CHRNA4: variants seen among roughly 807,000 people sequenced by gnomAD.
CHRNA4 encodes the protein neuronal acetylcholine receptor subunit alpha-4.
CHRNA4 carries 28 observed loss-of-function variants against 48.9 expected under a neutral mutation model. That is an observed-to-expected ratio of 0.57 (90% CI 0.42 to 0.79). CHRNA4 has a LOEUF of 0.79. Ranked by LOEUF, CHRNA4 falls within the 30% of genes least tolerant of loss-of-function variation. The pLI, the probability that CHRNA4 is intolerant of heterozygous loss-of-function variation, is 0.00. For missense variants in CHRNA4, 859 were observed against 898.4 expected, an observed-to-expected ratio of 0.96 and a Z score of 0.56; for synonymous variants, 425 against 402.3, an observed-to-expected ratio of 1.06 and a Z score of -0.68.
At position 63,345,134 on chromosome 20, in the gene CHRNA4, G is replaced by C; in HGVS notation, c.*1604C>G. 1 of 454,006 alleles carries C rather than the reference G, an allele frequency of 2.2e-6. No homozygotes were observed. Among genetic ancestry groups the C allele is most frequent in the Non-Finnish European group, 4.4e-6 (1 of 226,730 alleles). The allele number at this position is 454,006 out of a possible 1,614,324, so 28.1% of individuals were successfully genotyped here. On this transcript the variant is annotated 3_prime_UTR_variant, in exon 6 of 6. Coordinates refer to ENST00000370263, the MANE Select transcript of CHRNA4 (RefSeq NM_000744.7). This position sits in a 1 kb window ranked among gnomAD's most constrained non-coding sequence, Gnocchi z 5.4. Reference sequence around the variant, plus strand: ...ATTTCTGGGGCACTCGGCATGCCGGGTTCCTAACCTCAATTATTCATTCTG... The same window carrying C: ...ATTTCTGGGGCACTCGGCATGCCGGCTTCCTAACCTCAATTATTCATTCTG...
Position 63,351,168 on chromosome 20 carries a change from TCCACG to T in CHRNA4, c.384-146_384-142del, listed in dbSNP as rs766346398. ...ATCCACGTCCACGCCCACATCCACGTCCACGCCCACATCCATGTCCCACGCCCACA... is the reference window on the plus strand; with the variant it reads ...ATCCACGTCCACGCCCACATCCACGTCCCACATCCATGTCCCACGCCCACA... On this transcript the variant is annotated intron_variant, in intron 4 of 5. Transcript: ENST00000370263. 5.2e-4 allele frequency: 328 copies of T among 635,092 alleles called. 20 individuals carry two copies. Among genetic ancestry groups the T allele is most frequent in the South Asian group, 2.9e-3 (164 of 56,196 alleles). The allele number at this position is 635,092 out of a possible 1,614,324, so 39.3% of individuals were successfully genotyped here. A position where few individuals can be genotyped will look rare whatever the true frequency, so the allele number is the denominator to read the frequency against.
Position 63,351,677 on chromosome 20 carries a change from G to A in CHRNA4, c.384-650C>T, listed in dbSNP as rs914417559. On this transcript the variant is annotated intron_variant, in intron 4 of 5. Transcript: ENST00000370263. ...CAAGGACAGGTGTTCTGGCCACCCA[G>A]GGCCAATGCAGTGGGGCTGCATACG... Among the ~76,000 whole-genome samples, 3 of 152,248 alleles carry A rather than the reference G, an allele frequency of 2.0e-5. No homozygotes were observed. In the East Asian group the frequency reaches 5.8e-4, roughly 29 times the overall value.
chr20:63,357,814 T>C lies in CHRNA4; in HGVS notation c.229-1399A>G, dbSNP rs1251549879. The stretch of plus-strand genomic sequence containing the variant: ...AGGAGCGTCAGCACCCACGTGTGCA[T>C]GTTCGTGTAAGTCCTTAGTCGGCTG... On this transcript the variant is annotated intron_variant, in intron 2 of 5. Coordinates refer to ENST00000370263, the MANE Select transcript of CHRNA4 (RefSeq NM_000744.7). Among the ~76,000 whole-genome samples the C allele has an allele frequency of 3.3e-5, 5 of 152,264 alleles. No individual in the cohort carries two copies. In the South Asian group the frequency reaches 1.0e-3, roughly 32 times the overall value.
Position 63,350,276 on chromosome 20 carries a change from C to A in CHRNA4, c.1135G>T (p.Ala379Ser). 1 of 1,612,152 alleles carries A rather than the reference C, an allele frequency of 6.2e-7. No individual in the cohort carries two copies. The highest frequency in any genetic ancestry group is 1.1e-5 in the South Asian group (1 of 91,010). Residue 379 changes from alanine (A) to serine (S), a missense_variant, in exon 5 of 6, where the codon GCC becomes TCC. This residue lies in a region of CHRNA4 where 478 missense variants were observed against 455.4 expected (regional missense o/e 1.05). Transcript: ENST00000370263. The stretch of plus-strand genomic sequence containing the variant: ...TCGGGCCAGAAGCGCGGGGCACTGG[C>A]CATCTTATGCATGGACTCGATGAGC... ...RRLIESMHKM[A>S]SAPRFWPEPE...
Position 63,359,539 on chromosome 20 carries a change from C to G in CHRNA4, c.228+9G>C. 6.2e-7 allele frequency: 1 copy of G among 1,612,598 alleles called. No individual in the cohort carries two copies. Among genetic ancestry groups the G allele is most frequent in the Non-Finnish European group, 8.5e-7 (1 of 1,179,872 alleles). ...AGTCACAGTGCACGATGGCCACGCC[C>G]TCACCTACCACGTCAATGAGCTGAG... is the stretch of plus-strand genomic sequence containing the variant. On this transcript the variant is annotated intron_variant, in intron 2 of 5. Transcript: ENST00000370263.
chr20:63,359,905 GTGTGTGT>G (rs2068785655), intron 1 of CHRNA4: 3 of 341,380 alleles, frequency 8.8e-6, no homozygotes, highest in Non-Finnish European at 1.6e-5. Context: ...TGCTGTGTGT[GTGTGTGT>G]GTGTGTGTGT....
At chr20:63,358,813 G>C (rs1054694032) in intron 2 of CHRNA4, among the ~76,000 whole-genome samples, 9 of 152,130 alleles carry the variant, frequency 5.9e-5, no homozygotes, top group Non-Finnish European at 1.3e-4. Context: ...CCCCTTACCC[G>C]GCCCCTCCAG....
rs56069517 is a variant in CHRNA4, at chr20:63,349,887, G to A, written c.1524C>T (p.Gly508=). ...AGTGGGTGTTGCGAGAGGCCAGGGCGCCGGCAGCCTGGCCATCTGCCTCGG... is the reference window on the plus strand; with the variant it reads ...AGTGGGTGTTGCGAGAGGCCAGGGCACCGGCAGCCTGGCCATCTGCCTCGG... ...AAPEADGQAA[G]ALASRNTHSA... is the part of the protein sequence containing the mutation. Residue 508 remains glycine (G), a synonymous_variant, in exon 5 of 6, where the codon GGC becomes GGT. Coordinates refer to ENST00000370263, the MANE Select transcript of CHRNA4 (RefSeq NM_000744.7). 2,641 of 1,593,084 alleles carry A rather than the reference G, an allele frequency of 1.7e-3. 38 individuals are homozygous for A. The South Asian group carries it at 0.018, about 11-fold the overall frequency.
At chr20:63,355,146 C>A (rs1045784929) in intron 4 of CHRNA4, among the ~76,000 whole-genome samples, 3 of 152,164 alleles carry the variant, frequency 2.0e-5, no homozygotes, top group Admixed American at 6.5e-5. Context: ...AGACCCTGAG[C>A]CTGTGGCCAG....
Position 63,361,168 on chromosome 20 carries a change from C to A in CHRNA4, c.-3G>T, listed in dbSNP as rs2068814573. On this transcript the variant is annotated 5_prime_UTR_variant, in exon 1 of 6. Transcript: ENST00000370263. ...GCTCCGGGGCCCCCTAGCTCCATGGCGCACGCACCTCGCGGGCTCTAGATG... is the reference window on the plus strand; with the variant it reads ...GCTCCGGGGCCCCCTAGCTCCATGGAGCACGCACCTCGCGGGCTCTAGATG... 2 of 1,473,190 alleles carry A rather than the reference C, an allele frequency of 1.4e-6. No homozygotes were observed. Among genetic ancestry groups the A allele is most frequent in the Non-Finnish European group, 1.8e-6 (2 of 1,117,700 alleles). 91.3% of individuals were successfully genotyped at this position (1,473,190 alleles called of 1,614,324 possible). A position where few individuals can be genotyped will look rare whatever the true frequency, so the allele number is the denominator to read the frequency against.
At chr20:63,357,031 TC>T (rs1158721321) in intron 2 of CHRNA4, among the ~76,000 whole-genome samples, 1 of 39,218 alleles carries the variant, frequency 2.5e-5, no homozygotes, top group African/African-American at 7.1e-5. Flanking sequence ...CAGAACCACG[TC>T]CCCACAGGAC....
In CHRNA4 at chr20:63,350,455, A is replaced by T. The variant is rs1315507965; in HGVS notation, c.956T>A (p.Leu319Gln). 1.2e-6 allele frequency: 2 copies of T among 1,613,544 alleles called. No homozygotes were observed. Among genetic ancestry groups the T allele is most frequent in the Admixed American group, 3.3e-5 (2 of 59,964 alleles). ...YLLFTMIFVT[L>Q]SIVITVFVLN... is the part of the protein sequence containing the mutation. ...CACGAAGACCGTGATGACGATGGAC[A>T]GGGTGACGAAGATCATGGTGAACAG... The change falls in exon 5 of 6, where the codon CTG (leucine) becomes CAG (glutamine). Residue 319 changes from leucine (L) to glutamine (Q), a missense_variant. Coordinates refer to ENST00000370263, the MANE Select transcript of CHRNA4 (RefSeq NM_000744.7).
intron 2 of CHRNA4, among the ~76,000 whole-genome samples, chr20:63,358,096 C>A (rs45541838): frequency 2.6e-5 from 4 of 152,186 alleles, no homozygotes; most frequent in Non-Finnish European, 5.9e-5. Flanking sequence ...CTGTGCAACC[C>A]GCATTGTCTT....
chr20:63,356,969 T>A (rs1249461397), intron 2 of CHRNA4, among the ~76,000 whole-genome samples: 3 of 94,342 alleles, frequency 3.2e-5, no homozygotes, highest in Admixed American at 1.2e-4. Flanking sequence ...TCCTTCCACA[T>A]CCCCACAGGA....
At chr20:63,356,441 C>A in intron 2 of CHRNA4, 26 bp from the exon 3 acceptor site, 2 of 1,585,778 alleles carry the variant, frequency 1.3e-6, no homozygotes, top group Non-Finnish European at 1.7e-6. Context: ...AGGAAGGGGG[C>A]CAGTGACCCC....
chr20:63,351,131 A>ATCCACGCCCACATCCACG, intron 4 of CHRNA4, 104 bp from the exon 5 acceptor site: 9 of 761,426 alleles, frequency 1.2e-5, no homozygotes, highest in South Asian at 4.8e-5. Context: ...CCACACCCAC[A>ATCCACGCCCACATCCACG]TCCACGCCCA....
rs2068495936 is a variant in CHRNA4 at position 63,346,435 on chromosome 20, C to T, written c.*303G>A. The T allele has an allele frequency of 3.5e-6, 2 of 570,886 alleles. No homozygotes were observed. The highest frequency in any genetic ancestry group is 6.6e-6 in the Non-Finnish European group (2 of 302,080). 35.4% of individuals were successfully genotyped at this position (570,886 alleles called of 1,614,324 possible). A position where few individuals can be genotyped will look rare whatever the true frequency, so the allele number is the denominator to read the frequency against. ...AGTGAGTTCCATCTGCAGGGGAGCT[C>T]AGGAGACTCTTGAACTGGACTTAGC... On this transcript the variant is annotated 3_prime_UTR_variant, in exon 6 of 6. Coordinates refer to ENST00000370263, the MANE Select transcript of CHRNA4 (RefSeq NM_000744.7).
Position 63,359,546 on chromosome 20 carries a change from A to G in CHRNA4, c.228+2T>C. 24 of 1,612,554 alleles carry G rather than the reference A, an allele frequency of 1.5e-5. No individual in the cohort carries two copies. The highest frequency in any genetic ancestry group is 2.0e-5 in the Non-Finnish European group (24 of 1,179,850). On this transcript the variant is annotated splice_donor_variant, in intron 2 of 5. Coordinates refer to ENST00000370263, the MANE Select transcript of CHRNA4 (RefSeq NM_000744.7). LOFTEE classifies it high-confidence loss of function. ...GTGCACGATGGCCACGCCCTCACCT[A>G]CCACGTCAATGAGCTGAGCGATGGA...
At chr20:63,349,058 G>C (rs752093693) in intron 5 of CHRNA4, among the ~76,000 whole-genome samples, 3 of 151,996 alleles carry the variant, frequency 2.0e-5, no homozygotes, top group Non-Finnish European at 4.4e-5. Flanking sequence ...TGGGACCAGC[G>C]TTCTGCCCCC....
Sources: allele counts gnomAD v4.1 joint callset (sites outside exome capture counted in the v4.1 genomes callset), GRCh38; gene constraint gnomAD v4.1.1; regional missense constraint gnomAD v4.1.1; non-coding constraint Gnocchi (gnomAD v3.1); transcripts MANE v1.5; gene names NCBI Gene and HGNC (gene_info 2026-07-23, HGNC 2026-07-21).